CFAP100: variants seen among roughly 807,000 people sequenced by gnomAD.
The protein encoded by CFAP100 is cilia- and flagella-associated protein 100.
A neutral mutation model predicts 81.5 loss-of-function variants in CFAP100; 70 were observed. The observed-to-expected ratio is 0.86, with a 90% CI of 0.71 to 1.05. The LOEUF (loss-of-function observed/expected upper bound fraction) is 1.05. Ranked by LOEUF, CFAP100 falls within the 50% of genes least tolerant of loss-of-function variation. The pLI is 0.00. For missense variants in CFAP100, 811 were observed against 776.5 expected, an observed-to-expected ratio of 1.04 and a Z score of -0.53; for synonymous variants, 341 against 314.8, an observed-to-expected ratio of 1.08 and a Z score of -0.88.
At chr3:126,405,143 C>T (rs1487827594) in intron 2 of CFAP100, among the ~76,000 whole-genome samples, 1 of 152,162 alleles carries the variant, frequency 6.6e-6, no homozygotes, top group East Asian at 1.9e-4. Flanking sequence ...CCTCCCCATT[C>T]CCCCTCCCCT....
At position 126,423,437 on chromosome 3, in the gene CFAP100, C is replaced by T; in HGVS notation, c.1135-56C>T. 3.7e-6 allele frequency: 6 copies of T among 1,609,184 alleles called. No homozygotes were observed. In the South Asian group the frequency reaches 6.6e-5, roughly 18 times the overall value. The stretch of plus-strand genomic sequence containing the variant: ...CGCCCCTCTCTTTCCCTGCCCCCAC[C>T]CCTGCCCCTCTGGCTCTGTCCCTGT... On this transcript the variant is annotated intron_variant, in intron 12 of 16. Coordinates refer to ENST00000352312, the MANE Select transcript of CFAP100 (RefSeq NM_182628.3).
chr3:126,416,883 CGTTATT>C (rs1270624993), intron 5 of CFAP100: 1 of 164,114 alleles, frequency 6.1e-6, no homozygotes, highest in African/African-American at 2.5e-5. Flanking sequence ...TTTTATTAGT[CGTTATT>C]GTTTATCTTT....
rs568214097 is a variant in CFAP100 at position 126,423,311 on chromosome 3, C to A, written c.1083-14C>A. 1.2e-6 allele frequency: 2 copies of A among 1,610,568 alleles called. No homozygotes were observed. Among genetic ancestry groups the A allele is most frequent in the Non-Finnish European group, 1.7e-6 (2 of 1,178,072 alleles). ...GGCTGGTCCCAGAGTCCCGACCCTG[C>A]CATCTCTTCGCAGGTCGAACTCTCC... On this transcript the variant is annotated splice_polypyrimidine_tract_variant and intron_variant, in intron 11 of 16. Coordinates refer to ENST00000352312, the MANE Select transcript of CFAP100 (RefSeq NM_182628.3).
rs1271648716 is a variant in CFAP100, at chr3:126,394,933, A to C, written c.-105A>C. ...CAAGAGCCCTGCTCCTGGAGCTGAG[A>C]ACTGCAGCGCGGAGGCTTCGGAGCG... On this transcript the variant is annotated 5_prime_UTR_variant, in exon 1 of 17. Coordinates refer to ENST00000352312, the MANE Select transcript of CFAP100 (RefSeq NM_182628.3). The C allele has an allele frequency of 2.6e-5, 4 of 152,264 alleles. No individual in the cohort carries two copies. Among genetic ancestry groups the C allele is most frequent in the Non-Finnish European group, 2.9e-5 (2 of 68,084 alleles). The allele number at this position is 152,264 out of a possible 1,614,324, so 9.4% of individuals were successfully genotyped here.
chr3:126,404,937 G>A (rs1165951645), intron 2 of CFAP100, among the ~76,000 whole-genome samples: 1 of 152,194 alleles, frequency 6.6e-6, no homozygotes, highest in African/African-American at 2.4e-5. Flanking sequence ...CTTCCCTGCT[G>A]GGATTACAGG....
In CFAP100 at chr3:126,418,733, C is replaced by T. The variant is rs145466282; in HGVS notation, c.609C>T (p.Phe203=). The change falls in exon 7 of 17, where the codon TTC becomes TTT. Residue 203 remains phenylalanine (F), a synonymous_variant. Coordinates refer to ENST00000352312, the MANE Select transcript of CFAP100 (RefSeq NM_182628.3). ...LEKDAALFDE[F]VRENDCSSVQ... Reference sequence around the variant, plus strand: ...AGGACGCCGCCTTGTTCGACGAGTTCGTCAGGGAGAATGACTGCAGCTCCG... The same window carrying T: ...AGGACGCCGCCTTGTTCGACGAGTTTGTCAGGGAGAATGACTGCAGCTCCG... The T allele has an allele frequency of 2.0e-4, 327 of 1,597,316 alleles. 1 individual carries two copies. In the African/African-American group the frequency reaches 3.2e-3, roughly 16 times the overall value.
intron 5 of CFAP100, among the ~76,000 whole-genome samples, chr3:126,417,291 T>TAAGA (rs34949623): frequency 0.25 from 38,634 of 152,048 alleles, 5,201 homozygotes; most frequent in African/African-American, 0.35. Flanking sequence ...TTGGCTGTAG[T>TAAGA]AAGAACCATG....
At position 126,432,266 on chromosome 3, in the gene CFAP100, G is replaced by A. The variant is rs147780469; in HGVS notation, c.1287-803G>A. The stretch of plus-strand genomic sequence containing the variant: ...TGCACTCCACCCAGCCTGGGCGACT[G>A]AGCAAGACTCCGTCTCAAAAAAAAA... On this transcript the variant is annotated intron_variant, in intron 13 of 16. Transcript: ENST00000352312. Among the ~76,000 whole-genome samples the A allele has an allele frequency of 7.6e-3, 902 of 118,358 alleles. 8 individuals carry two copies. The highest frequency in any genetic ancestry group is 0.026 in the African/African-American group (797 of 31,158). The allele number at this position is 118,358 out of a possible 152,430, so 77.6% of individuals were successfully genotyped here.
chr3:126,427,090 A>G (rs1453943934), intron 13 of CFAP100, among the ~76,000 whole-genome samples: 1 of 152,258 alleles, frequency 6.6e-6, no homozygotes, highest in South Asian at 2.1e-4. Context: ...CACTTGATCT[A>G]TAACTTCAAT....
At chr3:126,433,011 C>T (rs933590569) in intron 13 of CFAP100, 58 bp from the exon 14 acceptor site, 19 of 1,595,408 alleles carry the variant, frequency 1.2e-5, no homozygotes, top group South Asian at 1.1e-4. Context: ...CTCAGAGAAG[C>T]GATGTGCCCA....
intron 2 of CFAP100, among the ~76,000 whole-genome samples, chr3:126,397,433 T>C (rs1576609808): frequency 6.6e-6 from 1 of 152,228 alleles, no homozygotes. Context: ...TGTTTATAGA[T>C]AACAAATTAA....
At chr3:126,406,093 A>G (rs1188614240) in intron 2 of CFAP100, among the ~76,000 whole-genome samples, 2 of 152,156 alleles carry the variant, frequency 1.3e-5, no homozygotes, top group African/African-American at 4.8e-5. Flanking sequence ...GAGGACAATC[A>G]TGGTTCAGCA....
intron 2 of CFAP100, among the ~76,000 whole-genome samples, chr3:126,400,709 G>A (rs190939238): frequency 0.01 from 1,576 of 151,942 alleles, 11 homozygotes; most frequent in South Asian, 0.023. Flanking sequence ...CCAAGATTGC[G>A]CCACTGCACT....
chr3:126,418,764 GC>G lies in CFAP100; in HGVS notation c.642del (p.Met215Ter). ...GGAGAATGACTGCAGCTCCGTGCAGGCCATGAGAGCGTGAGCCTGCGGGCCC... is the reference window on the plus strand; with the variant it reads ...GGAGAATGACTGCAGCTCCGTGCAGGCATGAGAGCGTGAGCCTGCGGGCCC... ...VRENDCSSVQ[A>X]MRAAEKETKA... On this transcript the variant is annotated frameshift_variant, in exon 7 of 17. Transcript: ENST00000352312. LOFTEE classifies it high-confidence loss of function. 6.3e-7 allele frequency: 1 copy of G among 1,591,168 alleles called. No homozygotes were observed. Among genetic ancestry groups the G allele is most frequent in the Admixed American group, 1.8e-5 (1 of 55,554 alleles).
At chr3:126,428,794 C>T (rs1034460081) in intron 13 of CFAP100, among the ~76,000 whole-genome samples, 3 of 152,118 alleles carry the variant, frequency 2.0e-5, no homozygotes, top group African/African-American at 7.2e-5. Context: ...CCCTCCTCTT[C>T]CGTTTCTGGA....
At chr3:126,402,847 G>C (rs550267396) in intron 2 of CFAP100, among the ~76,000 whole-genome samples, 11 of 151,970 alleles carry the variant, frequency 7.2e-5, no homozygotes, top group Admixed American at 5.9e-4. Flanking sequence ...CTTGCTGTGG[G>C]GAGTCCAGGT....
intron 8 of CFAP100, 36 bp downstream of exon 8, chr3:126,419,192 CA>C (rs977857442): frequency 1.5e-6 from 2 of 1,375,746 alleles, no homozygotes; most frequent in Non-Finnish European, 2.0e-6. Flanking sequence ...TTGGCTGGCC[CA>C]CCTCCTGGTC....
intron 13 of CFAP100, among the ~76,000 whole-genome samples, chr3:126,428,303 GA>G (rs1176501852): frequency 6.6e-6 from 1 of 152,230 alleles, no homozygotes; most frequent in African/African-American, 2.4e-5. Context: ...ATATTCTGGA[GA>G]AGGCATAACT....
At position 126,433,142 on chromosome 3, in the gene CFAP100, G is replaced by A. The variant is rs1206996668; in HGVS notation, c.1360G>A (p.Ala454Thr). The change falls in exon 14 of 17, where the codon GCA becomes ACA. Residue 454 changes from alanine (A) to threonine (T), a missense_variant. By Grantham distance (58) the Ala-to-Thr change is moderately conservative (BLOSUM62 0). Coordinates refer to ENST00000352312, the MANE Select transcript of CFAP100 (RefSeq NM_182628.3). Reference sequence around the variant, plus strand: ...GTCCATCACCAAGGAGGAGGACACAGCAGCTGAGCTGGAGCTCAAAGCCCG... The same window carrying A: ...GTCCATCACCAAGGAGGAGGACACAACAGCTGAGCTGGAGCTCAAAGCCCG... The part of the protein sequence containing the change: ...MMSITKEEDT[A>T]AELELKARVF... 2 of 1,614,234 alleles carry A rather than the reference G, an allele frequency of 1.2e-6. No individual in the cohort carries two copies. The highest frequency in any genetic ancestry group is 1.3e-5 in the African/African-American group (1 of 75,064).
Sources: allele counts gnomAD v4.1 joint callset (sites outside exome capture counted in the v4.1 genomes callset), GRCh38; gene constraint gnomAD v4.1.1; transcripts MANE v1.5; gene names NCBI Gene and HGNC (gene_info 2026-07-23, HGNC 2026-07-21).